ACVR1B: variants seen among roughly 807,000 people sequenced by gnomAD.
ACVR1B encodes activin receptor type-1B.
ACVR1B carries 15 observed loss-of-function variants against 55.6 expected under a neutral mutation model. The ratio of observed to expected loss-of-function variants is 0.27; its 90% CI spans 0.18 to 0.42. The LOEUF is 0.42. Among genes scored for constraint, ACVR1B ranks in the 10% least tolerant of loss-of-function variants. The pLI, the probability that ACVR1B is intolerant of heterozygous loss-of-function variation, is 1.00. For missense variants in ACVR1B, 359 were observed against 670.1 expected (o/e 0.54, Z 5.13); for synonymous variants, 247 against 254.6 (o/e 0.97, Z 0.28).
At chr12:51,991,329 C>T (rs1359252000) in intron 7 of ACVR1B, among the ~76,000 whole-genome samples, 1 of 152,158 alleles carries the variant, frequency 6.6e-6, no homozygotes, top group Non-Finnish European at 1.5e-5. Context: ...ATGTGACCCC[C>T]AGTAGTCTTT....
chr12:51,988,945 C>CT (rs1196588120), intron 7 of ACVR1B, among the ~76,000 whole-genome samples: 2 of 152,108 alleles, frequency 1.3e-5, no homozygotes, highest in Non-Finnish European at 2.9e-5. Flanking sequence ...TGGTGAAACT[C>CT]TATCTTTACA....
chr12:51,990,647 T>C (rs1020133788), intron 7 of ACVR1B, among the ~76,000 whole-genome samples: 1 of 152,160 alleles, frequency 6.6e-6, no homozygotes, highest in African/African-American at 2.4e-5. Flanking sequence ...CTAGTCAGTG[T>C]TGAGATTTCC....
At chr12:51,973,416 C>T (rs1051386953) in intron 1 of ACVR1B, among the ~76,000 whole-genome samples, 23 of 152,214 alleles carry the variant, frequency 1.5e-4, no homozygotes, top group African/African-American at 5.5e-4. Flanking sequence ...AATGTCCCCA[C>T]TGCCACAAAG....
At chr12:51,981,270 A>G (rs947539691) in intron 4 of ACVR1B, 71 bp downstream of exon 4, 16 of 1,345,128 alleles carry the variant, frequency 1.2e-5, no homozygotes, top group Non-Finnish European at 1.7e-5. Context: ...TATGGGGTGC[A>G]CAGCTCTGTT....
intron 7 of ACVR1B, among the ~76,000 whole-genome samples, chr12:51,988,862 A>C (rs1942132011): frequency 6.6e-6 from 1 of 152,216 alleles, no homozygotes; most frequent in Non-Finnish European, 1.5e-5. Context: ...TCACACCTGT[A>C]ATCCCAGCAC....
At chr12:51,957,258 A>G (rs1409383716) in intron 1 of ACVR1B, among the ~76,000 whole-genome samples, 4 of 151,620 alleles carry the variant, frequency 2.6e-5, no homozygotes, top group African/African-American at 9.7e-5. Context: ...CCAGCCTGAC[A>G]AACATGCTGA....
intron 1 of ACVR1B, among the ~76,000 whole-genome samples, chr12:51,954,724 G>A (rs995374957): frequency 2.6e-5 from 4 of 152,208 alleles, no homozygotes; most frequent in African/African-American, 9.7e-5. Context: ...TTCTGTGACT[G>A]CCTCAGTTTT....
intron 1 of ACVR1B, among the ~76,000 whole-genome samples, chr12:51,964,083 A>AT (rs1270474402): frequency 6.6e-6 from 1 of 152,196 alleles, no homozygotes; most frequent in Non-Finnish European, 1.5e-5. Flanking sequence ...TTTGCAGGCC[A>AT]TTTGTATATC....
Position 51,965,357 on chromosome 12 carries a change from A to T in ACVR1B, c.92-9908A>T, listed in dbSNP as rs1043337055. Among the ~76,000 whole-genome samples the T allele has an allele frequency of 5.9e-5, 9 of 152,212 alleles. No homozygotes were observed. In the South Asian group the frequency reaches 8.3e-4, roughly 14 times the overall value. On this transcript the variant is annotated intron_variant, in intron 1 of 8. Coordinates refer to ENST00000257963, the MANE Select transcript of ACVR1B (RefSeq NM_004302.5). The stretch of plus-strand genomic sequence containing the variant: ...AAGCTAGTAAAGATAAAGTATATTT[A>T]AAAAAACCCTGATATATGATACTCA...
At chr12:51,985,685 T>A (rs1279200108) in intron 6 of ACVR1B, among the ~76,000 whole-genome samples, 2 of 152,090 alleles carry the variant, frequency 1.3e-5, no homozygotes, top group African/African-American at 4.8e-5. Context: ...AACACTGTCA[T>A]CTCCTGTGCA....
intron 1 of ACVR1B, among the ~76,000 whole-genome samples, chr12:51,954,482 A>G (rs1176374913): frequency 6.6e-6 from 1 of 152,258 alleles, no homozygotes; most frequent in Non-Finnish European, 1.5e-5. Context: ...TCTAATTTCA[A>G]GCCAAGCCTT....
chr12:51,982,778 AG>A, intron 4 of ACVR1B: 1 of 1,531,170 alleles, frequency 6.5e-7, no homozygotes, highest in Non-Finnish European at 8.7e-7. Flanking sequence ...CAAGGGAGGA[AG>A]GGGAAGAGCA....
intron 2 of ACVR1B, among the ~76,000 whole-genome samples, chr12:51,976,019 TG>T (rs1441908869): frequency 6.6e-6 from 1 of 151,982 alleles, no homozygotes; most frequent in Non-Finnish European, 1.5e-5. Flanking sequence ...AGAGGAGCTG[TG>T]GGAAGTTAAA....
chr12:51,951,713 TGCGGCGGCGGCGGCG>T lies in ACVR1B; in HGVS notation c.-23_-9del. 3 of 1,116,536 alleles carry T rather than the reference TGCGGCGGCGGCGGCG, an allele frequency of 2.7e-6. No homozygotes were observed. Among genetic ancestry groups the T allele is most frequent in the Non-Finnish European group, 3.4e-6 (3 of 893,556 alleles). 69.2% of individuals were successfully genotyped at this position (1,116,536 alleles called of 1,614,324 possible). On this transcript the variant is annotated 5_prime_UTR_variant, in exon 1 of 9. Coordinates refer to ENST00000257963, the MANE Select transcript of ACVR1B (RefSeq NM_004302.5). ...GCGCGCGCGCTGGGCGCTGCTGGGCTGCGGCGGCGGCGGCGGCGGCGGTGGTTACTATGGCGGAGT... is the reference window on the plus strand; with the variant it reads ...GCGCGCGCGCTGGGCGCTGCTGGGCTGCGGCGGTGGTTACTATGGCGGAGT...
chr12:51,981,512 GGGGGTCCCGTAAGC>G (rs1941978081), intron 4 of ACVR1B, among the ~76,000 whole-genome samples: 3 of 152,152 alleles, frequency 2.0e-5, no homozygotes, highest in Admixed American at 2.0e-4. Context: ...AGTTCCTGCA[GGGGGTCCCGTAAGC>G]TTATTTTGAA....
chr12:51,980,547 G>T (rs1230495178), intron 3 of ACVR1B, among the ~76,000 whole-genome samples: 1 of 152,084 alleles, frequency 6.6e-6, no homozygotes, highest in African/African-American at 2.4e-5. Context: ...CCAGAAGGTG[G>T]CCCCCAGCAC....
chr12:51,987,000 A>C, intron 7 of ACVR1B, 58 bp downstream of exon 7: 1 of 1,613,406 alleles, frequency 6.2e-7, no homozygotes, highest in Non-Finnish European at 8.5e-7. Context: ...GGATCACCCA[A>C]AGCTGTTTTA....
In ACVR1B at chr12:51,986,906, G is replaced by A. The variant is rs1376299119; in HGVS notation, c.1225G>A (p.Val409Ile). 4 of 1,614,242 alleles carry A rather than the reference G, an allele frequency of 2.5e-6. No individual in the cohort carries two copies. Among genetic ancestry groups the A allele is most frequent in the South Asian group, 1.1e-5 (1 of 91,088 alleles). The stretch of plus-strand genomic sequence containing the variant: ...TGCTGATATTTATGCCCTCGGGCTT[G>A]TATATTGGGAGATTGCTCGAAGATG... ...KCADIYALGL[V>I]YWEIARRCNS... The change falls in exon 7 of 9, where the codon GTA (valine) becomes ATA (isoleucine). Residue 409 changes from valine (V) to isoleucine (I), a missense_variant. By Grantham distance (29) the Val-to-Ile change is conservative. This residue lies in a region of ACVR1B where 119 missense variants were observed against 340.2 expected (regional missense o/e 0.35). Coordinates refer to ENST00000257963, the MANE Select transcript of ACVR1B (RefSeq NM_004302.5).
At position 51,971,959 on chromosome 12, in the gene ACVR1B, T is replaced by G. The variant is rs190440459; in HGVS notation, c.92-3306T>G. ...ACTAGTTCCTGATAGAGCTGAAACT[T>G]GAACAGCAGTTTCTTACTGAAACTT... On this transcript the variant is annotated intron_variant, in intron 1 of 8. Coordinates refer to ENST00000257963, the MANE Select transcript of ACVR1B (RefSeq NM_004302.5). Among the ~76,000 whole-genome samples the G allele has an allele frequency of 6.8e-4, 104 of 152,360 alleles. 1 individual carries two copies. Among genetic ancestry groups the G allele is most frequent in the Admixed American group, 6.1e-3 (94 of 15,300 alleles).
Sources: gnomAD v4.1 joint callset for allele counts (sites outside exome capture counted in the v4.1 genomes callset) on GRCh38, gnomAD v4.1.1 for gene constraint, gnomAD v4.1.1 regional missense constraint, MANE v1.5 for transcripts, NCBI Gene and HGNC (gene_info 2026-07-23, HGNC 2026-07-21) for gene names.